NWD2: variants seen among roughly 807,000 people sequenced by gnomAD.
NWD2 encodes NACHT and WD repeat domain-containing protein 2.
Under a neutral mutation model 132.7 loss-of-function variants are expected in NWD2, and 37 were observed. The observed-to-expected ratio is 0.28, with a 90% CI of 0.21 to 0.37. NWD2 has a LOEUF of 0.37. Among genes scored for constraint, NWD2 ranks in the 10% least tolerant of loss-of-function variants. NWD2 has a pLI of 1.00. For missense variants in NWD2, 1,592 were observed against 2,122.4 expected (o/e 0.75, Z 4.91); for synonymous variants, 705 against 803.0 (o/e 0.88, Z 2.06).
intron 1 of NWD2, among the ~76,000 whole-genome samples, chr4:37,266,715 CTT>C (rs1303776036): frequency 6.6e-6 from 1 of 151,812 alleles, no homozygotes; most frequent in Non-Finnish European, 1.5e-5. Context: ...TTTTTCTTAA[CTT>C]ATATCATTAA....
chr4:37,263,501 C>T (rs1465062417), intron 1 of NWD2, among the ~76,000 whole-genome samples: 1 of 152,152 alleles, frequency 6.6e-6, no homozygotes, highest in East Asian at 1.9e-4. Flanking sequence ...TGACTTCTTC[C>T]TTAACCTCTT....
At chr4:37,405,286 C>T (rs779114519) in intron 3 of NWD2, among the ~76,000 whole-genome samples, 3 of 152,028 alleles carry the variant, frequency 2.0e-5, no homozygotes, top group East Asian at 1.9e-4. Context: ...TTGTGGAGAG[C>T]GACTCTAAAA....
chr4:37,362,362 A>G (rs1260790794), intron 3 of NWD2, among the ~76,000 whole-genome samples: 1 of 152,244 alleles, frequency 6.6e-6, no homozygotes, highest in African/African-American at 2.4e-5. Flanking sequence ...TAGCCAAAAC[A>G]AAGCTAACCA....
chr4:37,252,640 A>T (rs12498935), intron 1 of NWD2, among the ~76,000 whole-genome samples: 1 of 152,176 alleles, frequency 6.6e-6, no homozygotes, highest in East Asian at 1.9e-4. Flanking sequence ...AGCTAAGCCT[A>T]GACTTGGCTG....
intron 2 of NWD2, among the ~76,000 whole-genome samples, chr4:37,335,995 A>G (rs1719398157): frequency 1.3e-5 from 2 of 151,882 alleles, no homozygotes; most frequent in East Asian, 3.9e-4. Context: ...CCACATAAGT[A>G]ATATTAGATT....
chr4:37,344,062 G>A lies in NWD2; in HGVS notation c.241-12304G>A, dbSNP rs553327153. Among the ~76,000 whole-genome samples the A allele has an allele frequency of 1.4e-4, 22 of 152,196 alleles. No homozygotes were observed. The South Asian group carries it at 4.6e-3, about 32-fold the overall frequency. ...ATGCTTAAATGATGAAATAAGTAAAGACAAATAAAATGTGCTGTCAACAAG... is the reference window on the plus strand; with the variant it reads ...ATGCTTAAATGATGAAATAAGTAAAAACAAATAAAATGTGCTGTCAACAAG... On this transcript the variant is annotated intron_variant, in intron 2 of 6. Transcript: ENST00000309447.
chr4:37,352,029 T>C (rs1186185639), intron 2 of NWD2, among the ~76,000 whole-genome samples: 2 of 152,214 alleles, frequency 1.3e-5, no homozygotes, highest in Admixed American at 1.3e-4. Flanking sequence ...TTGATTGCAC[T>C]GTGGTCTGAG....
chr4:37,308,439 A>C (rs963627181), intron 1 of NWD2, among the ~76,000 whole-genome samples: 1 of 152,110 alleles, frequency 6.6e-6, no homozygotes, highest in Admixed American at 6.5e-5. Flanking sequence ...AGAGGCCTGG[A>C]GCTACCAGAG....
intron 3 of NWD2, among the ~76,000 whole-genome samples, chr4:37,413,289 A>AC (rs1721199533): frequency 6.6e-6 from 1 of 152,138 alleles, no homozygotes; most frequent in African/African-American, 2.4e-5. Context: ...AAAGCAAACA[A>AC]CCCCATCAAA....
intron 1 of NWD2, among the ~76,000 whole-genome samples, chr4:37,312,820 T>C (rs1057360268): frequency 8.6e-5 from 13 of 151,236 alleles, no homozygotes; most frequent in Non-Finnish European, 1.5e-4. Context: ...ACCTAACTTA[T>C]TGAGAGTTTT....
intron 3 of NWD2, among the ~76,000 whole-genome samples, chr4:37,394,799 GTTTT>G (rs1175840735): frequency 5.1e-4 from 27 of 52,590 alleles, no homozygotes; most frequent in African/African-American, 1.5e-3. Context: ...AACCTTTATG[GTTTT>G]TTTTTTTTTT....
At chr4:37,325,574 A>G (rs1288481126) in intron 1 of NWD2, among the ~76,000 whole-genome samples, 1 of 152,192 alleles carries the variant, frequency 6.6e-6, no homozygotes, top group East Asian at 1.9e-4. Context: ...TTGTGGAGCT[A>G]AAACCCTGAT....
intron 1 of NWD2, among the ~76,000 whole-genome samples, chr4:37,306,360 T>C (rs928466040): frequency 2.0e-5 from 3 of 152,120 alleles, no homozygotes; most frequent in African/African-American, 4.8e-5. Context: ...TATTCTAATG[T>C]GGGGTTTTGT....
intron 3 of NWD2, among the ~76,000 whole-genome samples, chr4:37,414,981 T>C (rs1711546822): frequency 6.6e-6 from 1 of 152,228 alleles, no homozygotes; most frequent in African/African-American, 2.4e-5. Context: ...AGAGAGCTTC[T>C]GCTCTGAACC....
intron 1 of NWD2, among the ~76,000 whole-genome samples, chr4:37,324,722 A>G (rs1440710612): frequency 6.6e-6 from 1 of 152,110 alleles, no homozygotes; most frequent in Non-Finnish European, 1.5e-5. Context: ...AAGACCTTGT[A>G]TTTCTCTGAA....
intron 3 of NWD2, among the ~76,000 whole-genome samples, chr4:37,401,423 C>G (rs1287580722): frequency 6.6e-6 from 1 of 152,122 alleles, no homozygotes. Context: ...CTTTTGATTC[C>G]TCCCTGTCCC....
In NWD2 at chr4:37,444,025, T is replaced by C. The variant is rs1560257385; in HGVS notation, c.2037T>C (p.Asp679=). The change falls in exon 7 of 7, where the codon GAT becomes GAC. Residue 679 remains aspartate (D), a synonymous_variant. Transcript: ENST00000309447. The surrounding 1 kb of genome is among the most constrained non-coding windows in gnomAD (Gnocchi z 4.8). ...GTCTGAGTGAAATGGAACTGGAGGA[T>C]GTGTTAGCCCTAGACAACAGTGTAA... ...KMGLSEMELE[D]VLALDNSVMS... 1.3e-6 allele frequency: 2 copies of C among 1,552,094 alleles called. No homozygotes were observed.
intron 2 of NWD2, among the ~76,000 whole-genome samples, chr4:37,336,846 G>A (rs1332912321): frequency 6.6e-6 from 1 of 151,382 alleles, no homozygotes; most frequent in African/African-American, 2.4e-5. Flanking sequence ...GGCTGAGGCA[G>A]GAGAATCGCT....
intron 3 of NWD2, among the ~76,000 whole-genome samples, chr4:37,367,921 C>T (rs1360594791): frequency 1.3e-5 from 2 of 152,012 alleles, no homozygotes; most frequent in Non-Finnish European, 2.9e-5. Context: ...ACCAGCAGAC[C>T]CTAAATGGTT....
Sources: allele counts gnomAD v4.1 joint callset (sites outside exome capture counted in the v4.1 genomes callset), GRCh38; gene constraint gnomAD v4.1.1; non-coding constraint Gnocchi (gnomAD v3.1); transcripts MANE v1.5; gene names NCBI Gene and HGNC (gene_info 2026-07-23, HGNC 2026-07-21).